Variants in MAN1C1 observed in about 807,000 individuals in gnomAD.
The protein encoded by MAN1C1 is mannosidase alpha class 1C member 1.
In MAN1C1, 49 loss-of-function variants were observed where a neutral mutation model predicts 71.5. That is an observed-to-expected ratio of 0.69 (90% CI 0.54 to 0.87). The LOEUF (loss-of-function observed/expected upper bound fraction) is 0.87, where lower values mean the gene tolerates loss of function less well. Among genes scored for constraint, MAN1C1 ranks in the 40% least tolerant of loss-of-function variants. The pLI is 0.00. For missense variants in MAN1C1, 743 were observed against 835.0 expected, an observed-to-expected ratio of 0.89 and a Z score of 1.36; for synonymous variants, 352 against 343.7, an observed-to-expected ratio of 1.02 and a Z score of -0.27.
intron 2 of MAN1C1, among the ~76,000 whole-genome samples, chr1:25,712,730 C>T (rs1335445495): frequency 6.6e-6 from 1 of 152,194 alleles, no homozygotes; most frequent in African/African-American, 2.4e-5. Flanking sequence ...TTCAACCCTC[C>T]CTGGCTTAGT....
intron 1 of MAN1C1, among the ~76,000 whole-genome samples, chr1:25,629,282 T>A (rs572942315): frequency 1.7e-4 from 26 of 152,336 alleles, no homozygotes; most frequent in African/African-American, 6.0e-4. Context: ...TTTAGTAATG[T>A]CATTCTTGCA....
At position 25,772,054 on chromosome 1, in the gene MAN1C1, C is replaced by T. The variant is rs2047560214; in HGVS notation, c.1257+282C>T. 3 of 375,732 alleles carry T rather than the reference C, an allele frequency of 8.0e-6. No homozygotes were observed. The Admixed American group carries it at 1.3e-4, about 16-fold the overall frequency. 23.3% of individuals were successfully genotyped at this position (375,732 alleles called of 1,614,324 possible). A position where few individuals can be genotyped will look rare whatever the true frequency, so the allele number is the denominator to read the frequency against. On this transcript the variant is annotated intron_variant, in intron 8 of 11. Transcript: ENST00000374332. ...CCAAGGTCTCACGGGAAGTGACCGTCAGTCTGATTCAGAAACCACCACCTG... is the reference window on the plus strand; with the variant it reads ...CCAAGGTCTCACGGGAAGTGACCGTTAGTCTGATTCAGAAACCACCACCTG...
intron 8 of MAN1C1, among the ~76,000 whole-genome samples, chr1:25,777,168 G>T (rs771188124): frequency 1.3e-5 from 2 of 152,312 alleles, no homozygotes; most frequent in Admixed American, 1.3e-4. Flanking sequence ...ATATGATCCG[G>T]TTTGTTAATT....
At chr1:25,651,113 G>A (rs905954873) in intron 1 of MAN1C1, among the ~76,000 whole-genome samples, 8 of 152,194 alleles carry the variant, frequency 5.3e-5, no homozygotes, top group Admixed American at 3.3e-4. Context: ...CTCACCAACT[G>A]AACAGGTGTT....
At chr1:25,781,239 C>T in intron 10 of MAN1C1, 127 bp downstream of exon 10, 1 of 1,012,210 alleles carries the variant, frequency 9.9e-7, no homozygotes, top group South Asian at 1.6e-5. Flanking sequence ...GACCACAGTT[C>T]AGAGTGCAAA....
chr1:25,770,464 G>T (rs981653466), intron 7 of MAN1C1, among the ~76,000 whole-genome samples: 1 of 152,048 alleles, frequency 6.6e-6, no homozygotes, highest in East Asian at 1.9e-4. Context: ...CTTTCTCTAC[G>T]TATCTCTGTC....
intron 1 of MAN1C1, among the ~76,000 whole-genome samples, chr1:25,672,014 C>A (rs2045999788): frequency 6.6e-6 from 1 of 152,174 alleles, no homozygotes; most frequent in Admixed American, 6.5e-5. Context: ...AGCAGAGAAG[C>A]CAGTAGCATG....
rs148773015 is a variant in MAN1C1, at chr1:25,691,546, G to A, written c.637+5010G>A. On this transcript the variant is annotated intron_variant, in intron 2 of 11. Transcript: ENST00000374332. ...TATATTCATGCACAGCACATAGGAA[G>A]CATTCATCAAGCGTCAGCTGCGATG... Among the ~76,000 whole-genome samples the A allele has an allele frequency of 2.7e-3, 415 of 152,344 alleles. 5 individuals are homozygous for A. Among genetic ancestry groups the A allele is most frequent in the Middle Eastern group, 0.017 (5 of 294 alleles).
Position 25,686,525 on chromosome 1 carries a change from G to T in MAN1C1, c.626G>T (p.Gly209Val), listed in dbSNP as rs768469447. 1.2e-6 allele frequency: 2 copies of T among 1,614,116 alleles called. No homozygotes were observed. The highest frequency in any genetic ancestry group is 3.3e-5 in the Admixed American group (2 of 60,026). Residue 209 changes from glycine to valine, a missense_variant, in exon 2 of 12, where the codon GGT becomes GTT. By Grantham distance (109) the Gly-to-Val change is moderately radical. Transcript: ENST00000374332. ...CCACTAACAAAAGATGGCTACGAGG[G>T]TAACATGTTCGGTGAGTCGATTCAA... is the stretch of plus-strand genomic sequence containing the variant. Reference protein sequence around the residue: ...LRPLTKDGYEGNMFGGLSGAT... With the variant: ...LRPLTKDGYEVNMFGGLSGAT...
chr1:25,688,958 T>C (rs2046270741), intron 2 of MAN1C1, among the ~76,000 whole-genome samples: 1 of 152,120 alleles, frequency 6.6e-6, no homozygotes. Flanking sequence ...ATCCAGTACA[T>C]GTAGCGTTCC....
chr1:25,625,516 C>A (rs966081109), intron 1 of MAN1C1, among the ~76,000 whole-genome samples: 2 of 152,054 alleles, frequency 1.3e-5, no homozygotes, highest in Non-Finnish European at 1.5e-5. Flanking sequence ...TCTAGAACTT[C>A]AGAAAAATGG....
At chr1:25,648,050 G>A (rs751038486) in intron 1 of MAN1C1, among the ~76,000 whole-genome samples, 11 of 152,216 alleles carry the variant, frequency 7.2e-5, no homozygotes, top group East Asian at 5.8e-4. Flanking sequence ...GGCACTTGTC[G>A]CTGTGCCCAA....
At position 25,667,477 on chromosome 1, in the gene MAN1C1, T is replaced by TC. The variant is rs1472279793; in HGVS notation, c.541-18961dup. Among the ~76,000 whole-genome samples, 3 of 101,028 alleles carry TC rather than the reference T, an allele frequency of 3.0e-5. No individual in the cohort carries two copies. The Admixed American group carries it at 4.1e-4, about 14-fold the overall frequency. 66.3% of individuals were successfully genotyped at this position (101,028 alleles called of 152,430 possible). On this transcript the variant is annotated intron_variant, in intron 1 of 11. Coordinates refer to ENST00000374332, the MANE Select transcript of MAN1C1 (RefSeq NM_020379.4). ...TCCACCCTGGGCGATGGAGTGAGAC[T>TC]CCATCTCAAAAAAAAAAAAAAAAAA...
intron 1 of MAN1C1, among the ~76,000 whole-genome samples, chr1:25,670,962 C>T (rs145343686): frequency 1.2e-3 from 178 of 152,302 alleles, no homozygotes; most frequent in African/African-American, 4.2e-3. Context: ...CTGCAACCAC[C>T]ACTTCCTGGG....
chr1:25,707,175 C>T (rs2046535097), intron 2 of MAN1C1, among the ~76,000 whole-genome samples: 1 of 152,244 alleles, frequency 6.6e-6, no homozygotes, highest in Admixed American at 6.5e-5. Flanking sequence ...TGATCAGCCA[C>T]AGATTTCTTA....
intron 3 of MAN1C1, among the ~76,000 whole-genome samples, chr1:25,747,316 A>G (rs1557790347): frequency 1.3e-5 from 2 of 152,208 alleles, no homozygotes; most frequent in South Asian, 2.1e-4. Flanking sequence ...TTGCAGGCAC[A>G]CTTGGTCAGG....
In MAN1C1 at chr1:25,782,872, G is replaced by T. The variant is rs781326497; in HGVS notation, c.1766+172G>T. 2.6e-5 allele frequency among the ~76,000 whole-genome samples: 4 copies of T among 152,196 alleles called. No homozygotes were observed. Among genetic ancestry groups the T allele is most frequent in the Non-Finnish European group, 4.4e-5 (3 of 68,044 alleles). ...CCAGGTGTGAGCCTTGGGCCAGGCC[G>T]CTTTCTCGGAGAGTGAGACTGGGCT... On this transcript the variant is annotated intron_variant, in intron 11 of 11. Coordinates refer to ENST00000374332, the MANE Select transcript of MAN1C1 (RefSeq NM_020379.4). The surrounding 1 kb of genome is among the most constrained non-coding windows in gnomAD (Gnocchi z 4.4).
At position 25,711,090 on chromosome 1, in the gene MAN1C1, G is replaced by C. The variant is rs1463533815; in HGVS notation, c.637+24554G>C. On this transcript the variant is annotated intron_variant, in intron 2 of 11. Coordinates refer to ENST00000374332, the MANE Select transcript of MAN1C1 (RefSeq NM_020379.4). The surrounding 1 kb of genome is among the most constrained non-coding windows in gnomAD (Gnocchi z 4.3). ...GATTGGTCTAGGATGGCTTTGGTTA[G>C]ATGACTCAGCTCTGTTCCATGTGGA... Among the ~76,000 whole-genome samples, 1 of 152,216 alleles carries C rather than the reference G, an allele frequency of 6.6e-6. No homozygotes were observed. Among genetic ancestry groups the C allele is most frequent in the East Asian group, 1.9e-4 (1 of 5,202 alleles).
intron 2 of MAN1C1, among the ~76,000 whole-genome samples, chr1:25,715,072 T>C (rs752300332): frequency 1.2e-4 from 19 of 152,208 alleles, no homozygotes; most frequent in African/African-American, 3.6e-4. Flanking sequence ...TGGCCTGTTT[T>C]CACTGTCTTC....
Sources: allele counts gnomAD v4.1 joint callset (sites outside exome capture counted in the v4.1 genomes callset), GRCh38; gene constraint gnomAD v4.1.1; non-coding constraint Gnocchi (gnomAD v3.1); transcripts MANE v1.5; gene names NCBI Gene and HGNC (gene_info 2026-07-23, HGNC 2026-07-21).